ARHGAP26: variants seen among roughly 807,000 people sequenced by gnomAD.
ARHGAP26 encodes Rho GTPase activating protein 26.
In ARHGAP26, 38 loss-of-function variants were observed where a neutral mutation model predicts 104.8. That is an observed-to-expected ratio of 0.36 (90% CI 0.28 to 0.48). The LOEUF (loss-of-function observed/expected upper bound fraction) is 0.48. Among genes scored for constraint, ARHGAP26 ranks in the 20% least tolerant of loss-of-function variants. The probability of loss-of-function intolerance (pLI) is 0.99; values close to 1 mark genes in which losing one functional copy is unlikely to be tolerated. For synonymous variants in ARHGAP26, 341 were observed against 340.0 expected (o/e 1.00, Z -0.03); for missense variants, 704 against 947.9 (o/e 0.74, Z 3.38).
intron 17 of ARHGAP26, among the ~76,000 whole-genome samples, chr5:143,060,356 A>G (rs760272700): frequency 6.6e-6 from 1 of 152,138 alleles, no homozygotes; most frequent in Non-Finnish European, 1.5e-5. Flanking sequence ...CTTTTGAAAC[A>G]TTTTCCAAAA....
intron 1 of ARHGAP26, among the ~76,000 whole-genome samples, chr5:142,815,004 GAT>G (rs1216231597): frequency 6.6e-6 from 1 of 152,126 alleles, no homozygotes; most frequent in Non-Finnish European, 1.5e-5. Context: ...GGAATTACAT[GAT>G]TTTTATCTTT....
intron 1 of ARHGAP26, among the ~76,000 whole-genome samples, chr5:142,824,801 G>T (rs1235081574): frequency 6.6e-6 from 1 of 152,200 alleles, no homozygotes; most frequent in African/African-American, 2.4e-5. Context: ...AATGGGCAGG[G>T]CACCAAGAGT....
intron 17 of ARHGAP26, among the ~76,000 whole-genome samples, chr5:143,093,659 C>T (rs1325959525): frequency 6.6e-6 from 1 of 150,932 alleles, no homozygotes. Context: ...TTTCTTTCCT[C>T]TCTCTCTCTC....
At chr5:142,928,067 A>G (rs886603568) in intron 10 of ARHGAP26, among the ~76,000 whole-genome samples, 8 of 152,198 alleles carry the variant, frequency 5.3e-5, no homozygotes, top group African/African-American at 1.9e-4. Flanking sequence ...TGCAGGAGAT[A>G]GATATTACAG....
chr5:143,144,769 C>T (rs1008813787), intron 19 of ARHGAP26, among the ~76,000 whole-genome samples: 5 of 152,200 alleles, frequency 3.3e-5, no homozygotes, highest in African/African-American at 9.7e-5. Context: ...GTATAGTTTG[C>T]TATAACCACT....
intron 11 of ARHGAP26, among the ~76,000 whole-genome samples, chr5:142,973,543 A>G (rs1772590110): frequency 6.6e-6 from 1 of 152,204 alleles, no homozygotes; most frequent in African/African-American, 2.4e-5. Flanking sequence ...ACTTTTCTGT[A>G]TAGTTTGATT....
At chr5:143,160,607 C>G (rs764245984) in intron 20 of ARHGAP26, among the ~76,000 whole-genome samples, 1 of 151,990 alleles carries the variant, frequency 6.6e-6, no homozygotes, top group Non-Finnish European at 1.5e-5. Context: ...ACCTTAGCTC[C>G]TGAGTAGCTG....
chr5:143,147,526 C>A, intron 20 of ARHGAP26, 145 bp downstream of exon 20: 1 of 944,700 alleles, frequency 1.1e-6, no homozygotes, highest in Non-Finnish European at 1.5e-6. Context: ...GCTCAGCTGG[C>A]TTGTTGTGGG....
intron 1 of ARHGAP26, among the ~76,000 whole-genome samples, chr5:142,807,810 G>A (rs535730007): frequency 6.6e-6 from 1 of 152,290 alleles, no homozygotes; most frequent in Non-Finnish European, 1.5e-5. Context: ...CTGTCCTTGG[G>A]AACTGGGGAC....
At chr5:143,048,032 A>G (rs184149956) in intron 14 of ARHGAP26, among the ~76,000 whole-genome samples, 321 of 152,108 alleles carry the variant, frequency 2.1e-3, no homozygotes, top group African/African-American at 7.1e-3. Context: ...TCTTTTTAGT[A>G]GAGTCAAGGT....
At chr5:143,070,642 G>T (rs1788104656) in intron 17 of ARHGAP26, among the ~76,000 whole-genome samples, 2 of 152,194 alleles carry the variant, frequency 1.3e-5, no homozygotes, top group Admixed American at 6.5e-5. Context: ...AGGTGAAGGG[G>T]CTTATGCCTA....
intron 20 of ARHGAP26, among the ~76,000 whole-genome samples, chr5:143,206,392 G>A (rs1309283960): frequency 6.6e-6 from 1 of 152,224 alleles, no homozygotes; most frequent in Non-Finnish European, 1.5e-5. Context: ...AAATCCACAA[G>A]CCACGTTTCA....
chr5:142,952,951 C>T (rs907000458), intron 11 of ARHGAP26, among the ~76,000 whole-genome samples: 4 of 152,106 alleles, frequency 2.6e-5, no homozygotes, highest in African/African-American at 9.7e-5. Context: ...CCTTGTGATC[C>T]TCCCACCTTG....
intron 10 of ARHGAP26, among the ~76,000 whole-genome samples, chr5:142,918,942 A>C (rs1367584377): frequency 6.6e-6 from 1 of 152,214 alleles, no homozygotes; most frequent in African/African-American, 2.4e-5. Context: ...CTCTAGCATT[A>C]ATAATATGAT....
At chr5:142,819,360 T>TGG (rs987234941) in intron 1 of ARHGAP26, among the ~76,000 whole-genome samples, 36 of 152,264 alleles carry the variant, frequency 2.4e-4, no homozygotes, top group African/African-American at 7.9e-4. Flanking sequence ...ATCTCACTGA[T>TGG]GGGGTAGACA....
chr5:142,944,497 A>G (rs1324987879), intron 11 of ARHGAP26, among the ~76,000 whole-genome samples: 1 of 152,202 alleles, frequency 6.6e-6, no homozygotes, highest in Admixed American at 6.5e-5. Context: ...TGCTCCTTCC[A>G]GTCACTTATG....
chr5:143,017,408 T>G (rs546376691), intron 12 of ARHGAP26, among the ~76,000 whole-genome samples: 1 of 152,348 alleles, frequency 6.6e-6, no homozygotes, highest in South Asian at 2.1e-4. Context: ...GAGCCTTTTC[T>G]TCTCCTCTTC....
intron 11 of ARHGAP26, among the ~76,000 whole-genome samples, chr5:142,991,838 G>A (rs552918030): frequency 6.6e-6 from 1 of 152,116 alleles, no homozygotes; most frequent in Admixed American, 6.5e-5. Flanking sequence ...GCCTAACAAC[G>A]CATTTCTCAG....
intron 20 of ARHGAP26, among the ~76,000 whole-genome samples, chr5:143,163,016 C>T (rs762164445): frequency 6.6e-6 from 1 of 151,912 alleles, no homozygotes; most frequent in Non-Finnish European, 1.5e-5. Flanking sequence ...ACTTGGGAGG[C>T]TGAGGGGAGG....
Sources: allele counts gnomAD v4.1 joint callset (sites outside exome capture counted in the v4.1 genomes callset), GRCh38; gene constraint gnomAD v4.1.1; transcripts MANE v1.5; gene names NCBI Gene and HGNC (gene_info 2026-07-23, HGNC 2026-07-21).